The following TMEM135 variants were observed in gnomAD, a reference collection of about 807,000 sequenced individuals.
TMEM135 encodes transmembrane protein 135, also known as peroxisomal membrane protein 52.
In TMEM135, 30 loss-of-function variants were observed where a neutral mutation model predicts 60.3. The ratio of observed to expected loss-of-function variants is 0.50; its 90% CI spans 0.37 to 0.68. The LOEUF (loss-of-function observed/expected upper bound fraction) is 0.68. TMEM135 is among the 30% of genes least tolerant of loss of function. The pLI is 0.00. For synonymous variants in TMEM135, 190 were observed against 186.7 expected (o/e 1.02, Z -0.14); for missense variants, 468 against 548.8 (o/e 0.85, Z 1.47).
chr11:87,249,870 A>G (rs955031862), intron 6 of TMEM135, among the ~76,000 whole-genome samples: 1 of 152,106 alleles, frequency 6.6e-6, no homozygotes, highest in African/African-American at 2.4e-5. Context: ...TTTTTAGAAT[A>G]GTTTGAGTAG....
chr11:87,083,470 A>C (rs1857031269), intron 3 of TMEM135, among the ~76,000 whole-genome samples: 1 of 152,228 alleles, frequency 6.6e-6, no homozygotes, highest in African/African-American at 2.4e-5. Context: ...CATGGATTAA[A>C]GTATCAACAA....
At chr11:87,088,954 A>C (rs899697238) in intron 3 of TMEM135, among the ~76,000 whole-genome samples, 2 of 152,218 alleles carry the variant, frequency 1.3e-5, no homozygotes, top group Non-Finnish European at 2.9e-5. Flanking sequence ...ACATTTAAGT[A>C]CTGAACACAA....
At chr11:87,255,656 GA>G (rs34551834) in intron 6 of TMEM135, among the ~76,000 whole-genome samples, 92,679 of 148,442 alleles carry the variant, frequency 0.62, 29,011 homozygotes, top group Non-Finnish European at 0.66. Context: ...TCTCTTGAAA[GA>G]AAAAAAAAAA....
At chr11:87,213,139 G>C (rs1253638365) in intron 5 of TMEM135, among the ~76,000 whole-genome samples, 3 of 152,040 alleles carry the variant, frequency 2.0e-5, no homozygotes, top group Non-Finnish European at 4.4e-5. Flanking sequence ...AAATTTTATA[G>C]CGAAAATTTA....
chr11:87,175,658 G>A (rs1441445793), intron 5 of TMEM135, among the ~76,000 whole-genome samples: 1 of 152,114 alleles, frequency 6.6e-6, no homozygotes, highest in Non-Finnish European at 1.5e-5. Flanking sequence ...AATTAGAAGG[G>A]TTCTTAAGAT....
chr11:87,077,235 TG>T (rs1856892584), intron 3 of TMEM135, among the ~76,000 whole-genome samples: 1 of 152,262 alleles, frequency 6.6e-6, no homozygotes, highest in Admixed American at 6.5e-5. Context: ...AATGATGCAA[TG>T]TATAACGTTT....
At chr11:87,214,364 C>T (rs1359022985) in intron 5 of TMEM135, among the ~76,000 whole-genome samples, 1 of 152,140 alleles carries the variant, frequency 6.6e-6, no homozygotes, top group Admixed American at 6.5e-5. Context: ...TCAGTCTTTA[C>T]TATTACAGCA....
At chr11:87,263,056 G>A (rs768039401) in intron 6 of TMEM135, among the ~76,000 whole-genome samples, 17 of 151,930 alleles carry the variant, frequency 1.1e-4, no homozygotes, top group Non-Finnish European at 1.9e-4. Flanking sequence ...AGCCAGTTAC[G>A]TAATTACATT....
At chr11:87,105,999 C>T (rs1328215811) in intron 4 of TMEM135, among the ~76,000 whole-genome samples, 1 of 152,168 alleles carries the variant, frequency 6.6e-6, no homozygotes, top group Non-Finnish European at 1.5e-5. Context: ...TTTTTTAGCT[C>T]TCACATATGA....
chr11:87,075,030 C>T (rs1856841564), intron 3 of TMEM135, among the ~76,000 whole-genome samples: 1 of 152,148 alleles, frequency 6.6e-6, no homozygotes, highest in Non-Finnish European at 1.5e-5. Context: ...GCCTCAATCT[C>T]CCGGGCCTAA....
At chr11:87,183,955 C>CAAAAAAAAAAAAAAA (rs71040297) in intron 5 of TMEM135, among the ~76,000 whole-genome samples, 1 of 80,150 alleles carries the variant, frequency 1.2e-5, no homozygotes. Flanking sequence ...GACTTCGTCG[C>CAAAAAAAAAAAAAAA]AAAAAAAAAA....
intron 4 of TMEM135, among the ~76,000 whole-genome samples, chr11:87,101,662 T>C (rs1206425827): frequency 2.0e-5 from 3 of 152,166 alleles, no homozygotes; most frequent in Non-Finnish European, 4.4e-5. Context: ...GTATTTGATT[T>C]TTCAAACATA....
At chr11:87,275,817 G>A (rs188869403) in intron 6 of TMEM135, among the ~76,000 whole-genome samples, 2 of 151,968 alleles carry the variant, frequency 1.3e-5, no homozygotes, top group East Asian at 1.9e-4. Context: ...CCACCACCAC[G>A]CCCAGCTAAT....
intron 4 of TMEM135, among the ~76,000 whole-genome samples, chr11:87,124,821 C>G (rs956727903): frequency 1.3e-5 from 2 of 152,026 alleles, no homozygotes; most frequent in Non-Finnish European, 2.9e-5. Flanking sequence ...CCCTCTATGC[C>G]TTCCTCTCTT....
At chr11:87,188,908 G>A (rs1005327217) in intron 5 of TMEM135, among the ~76,000 whole-genome samples, 1 of 151,924 alleles carries the variant, frequency 6.6e-6, no homozygotes, top group Non-Finnish European at 1.5e-5. Context: ...ACATCTATAT[G>A]AACATTTGGT....
intron 14 of TMEM135, 97 bp from the exon 15 acceptor site, chr11:87,321,104 C>T: frequency 8.6e-7 from 1 of 1,164,108 alleles, no homozygotes; most frequent in Non-Finnish European, 1.2e-6. Context: ...TTAGCCTTTT[C>T]TGTTTTCCCA....
chr11:87,176,103 T>C (rs1393489875), intron 5 of TMEM135, among the ~76,000 whole-genome samples: 2 of 152,202 alleles, frequency 1.3e-5, no homozygotes, highest in African/African-American at 4.8e-5. Flanking sequence ...AAACCTCATG[T>C]TGAAATTTGA....
At chr11:87,165,863 AGAG>A (rs1939026708) in intron 5 of TMEM135, among the ~76,000 whole-genome samples, 1 of 146,262 alleles carries the variant, frequency 6.8e-6, no homozygotes, top group African/African-American at 2.6e-5. Flanking sequence ...TAAAGAAAAA[AGAG>A]AGAAGAATCT....
At chr11:87,247,229 G>T (rs1248051161) in intron 6 of TMEM135, among the ~76,000 whole-genome samples, 1 of 152,164 alleles carries the variant, frequency 6.6e-6, no homozygotes, top group African/African-American at 2.4e-5. Context: ...TCTCAGAGGA[G>T]TACCTGGCCG....
Sources: gnomAD v4.1 joint callset for allele counts (sites outside exome capture counted in the v4.1 genomes callset) on GRCh38, gnomAD v4.1.1 for gene constraint, MANE v1.5 for transcripts, NCBI Gene and HGNC (gene_info 2026-07-23, HGNC 2026-07-21) for gene names.